CP: variants seen among roughly 807,000 people sequenced by gnomAD.
CP encodes caeruloplasmin.
A neutral mutation model predicts 122.4 loss-of-function variants in CP; 64 were observed. That is an observed-to-expected ratio of 0.52 (90% confidence interval 0.43 to 0.64). The LOEUF (loss-of-function observed/expected upper bound fraction) is 0.64. Ranked by LOEUF, CP falls within the 30% of genes least tolerant of loss-of-function variation. The pLI is 0.00. For synonymous variants in CP, 440 were observed against 436.4 expected, an observed-to-expected ratio of 1.01 and a Z score of -0.10; for missense variants, 1,167 against 1,284.4, an observed-to-expected ratio of 0.91 and a Z score of 1.40.
At chr3:149,170,083 A>G (rs763676094), downstream of CP, among the ~76,000 whole-genome samples, 3 of 152,218 alleles carry the variant, frequency 2.0e-5, no homozygotes, top group Non-Finnish European at 2.9e-5. Context: ...GGCTTGGATT[A>G]AATAAATAAA....
chr3:149,217,544 C>T (rs571101510), intron 1 of CP, among the ~76,000 whole-genome samples: 16 of 152,244 alleles, frequency 1.1e-4, no homozygotes, highest in Middle Eastern at 3.4e-3. Context: ...TCTGAGAATA[C>T]GTTATAAAAG....
chr3:149,215,290 T>C (rs1728392801), intron 1 of CP, among the ~76,000 whole-genome samples: 1 of 152,250 alleles, frequency 6.6e-6, no homozygotes, highest in African/African-American at 2.4e-5. Context: ...AATGCTCCTG[T>C]ATTAATCATT....
At chr3:149,167,144 C>G in intron 4 of CP, 1 of 1,613,862 alleles carries the variant, frequency 6.2e-7, no homozygotes, top group African/African-American at 1.3e-5. Flanking sequence ...GTCGTACACG[C>G]TTGAAAGAGT....
At chr3:149,217,243 A>T (rs1336965041) in intron 1 of CP, among the ~76,000 whole-genome samples, 2 of 152,132 alleles carry the variant, frequency 1.3e-5, no homozygotes, top group Non-Finnish European at 2.9e-5. Flanking sequence ...AGAATGAGTC[A>T]TTTAAAGTAA....
chr3:149,181,158 G>A (rs112498087), intron 14 of CP, among the ~76,000 whole-genome samples: 124 of 152,110 alleles, frequency 8.2e-4, no homozygotes, highest in African/African-American at 2.7e-3. Context: ...CTTAAATCTC[G>A]AGTCTGAGGT....
chr3:149,168,091 T>G, downstream of CP: 1 of 722,910 alleles, frequency 1.4e-6, no homozygotes, highest in Non-Finnish European at 2.5e-6. Context: ...CCGAGGGCCT[T>G]TCAGAACCAT....
chr3:149,209,325 C>T lies in CP; in HGVS notation c.667G>A (p.Val223Met). ...TACCAGCTGAAATTTTCATCCACCACAGAAAACATCACCACAAATTCTCGG... is the reference window on the plus strand; with the variant it reads ...TACCAGCTGAAATTTTCATCCACCATAGAAAACATCACCACAAATTCTCGG... ...IDREFVVMFS[V>M]VDENFSWYLE... The change falls in exon 4 of 19, where the codon GTG becomes ATG. Residue 223 changes from valine (V) to methionine (M), a missense_variant. Coordinates refer to ENST00000264613, the MANE Select transcript of CP (RefSeq NM_000096.4). The T allele has an allele frequency of 6.2e-7, 1 of 1,613,790 alleles. No homozygotes were observed. The highest frequency in any genetic ancestry group is 8.5e-7 in the Non-Finnish European group (1 of 1,179,776).
intron 1 of CP, among the ~76,000 whole-genome samples, chr3:149,219,276 C>T (rs1209471360): frequency 6.6e-6 from 1 of 152,116 alleles, no homozygotes; most frequent in Non-Finnish European, 1.5e-5. Context: ...AGAAGATGCT[C>T]CATTTTTCCT....
intron 8 of CP, among the ~76,000 whole-genome samples, chr3:149,199,193 T>C (rs1727124853): frequency 6.6e-6 from 1 of 152,180 alleles, no homozygotes; most frequent in South Asian, 2.1e-4. Flanking sequence ...ATAAAACCCT[T>C]GTAATGCTAA....
intron 7 of CP, among the ~76,000 whole-genome samples, chr3:149,201,891 G>T (rs563293775): frequency 6.6e-6 from 1 of 152,126 alleles, no homozygotes; most frequent in Non-Finnish European, 1.5e-5. Context: ...TACCACTCCC[G>T]GCCGTCAGCA....
At chr3:149,192,455 T>C (rs1726599252) in intron 9 of CP, among the ~76,000 whole-genome samples, 1 of 150,104 alleles carries the variant, frequency 6.7e-6, no homozygotes, top group Admixed American at 6.6e-5. Context: ...TACTTACCTA[T>C]AGAATAGAAA....
chr3:149,186,392 A>C (rs1726172837), intron 11 of CP, 128 bp downstream of exon 11: 2 of 869,830 alleles, frequency 2.3e-6, no homozygotes, highest in Admixed American at 4.0e-5. Context: ...TGCTCTTTCA[A>C]AGATAGGAAG....
intron 9 of CP, among the ~76,000 whole-genome samples, chr3:149,195,432 C>T (rs940943605): frequency 6.6e-6 from 1 of 152,174 alleles, no homozygotes; most frequent in African/African-American, 2.4e-5. Context: ...ACAACCCAAA[C>T]ACTTGTCAAA....
chr3:149,204,292 G>T (rs1241889084), intron 6 of CP, among the ~76,000 whole-genome samples: 2 of 152,176 alleles, frequency 1.3e-5, no homozygotes, highest in Non-Finnish European at 2.9e-5. Flanking sequence ...GAAAATACAA[G>T]ACTGCAGTAG....
chr3:149,181,985 ACCCCCG>A lies in CP; in HGVS notation c.2554+14_2554+19del, dbSNP rs1553758504. 1.7e-5 allele frequency: 7 copies of A among 402,512 alleles called. No homozygotes were observed. Among genetic ancestry groups the A allele is most frequent in the Non-Finnish European group, 2.8e-5 (6 of 217,288 alleles). 24.9% of individuals were successfully genotyped at this position (402,512 alleles called of 1,614,324 possible). The stretch of plus-strand genomic sequence containing the variant: ...CAGCCTGTTAAAATGCACCACCCCC[ACCCCCG>A]CCCCCGTGAGTACCTGGTAATGTTG... On this transcript the variant is annotated intron_variant, in intron 14 of 18. Transcript: ENST00000264613.
intron 14 of CP, 48 bp from the exon 15 acceptor site, chr3:149,179,710 GTACA>G: frequency 1.5e-6 from 1 of 651,712 alleles, no homozygotes. Context: ...GGTTTATATT[GTACA>G]CACACACACA....
At position 149,207,243 on chromosome 3, in the gene CP, G is replaced by A. The variant is rs990433454; in HGVS notation, c.1036+120C>T. Reference sequence around the variant, plus strand: ...ACATTATTATATATACCATCATAGGGATAAAACTAAGATGCCAGTTCAAAG... The same window carrying A: ...ACATTATTATATATACCATCATAGGAATAAAACTAAGATGCCAGTTCAAAG... On this transcript the variant is annotated intron_variant, in intron 5 of 18. Transcript: ENST00000264613. The A allele has an allele frequency of 2.7e-6, 3 of 1,129,076 alleles. No individual in the cohort carries two copies. The African/African-American group carries it at 4.6e-5, about 17-fold the overall frequency. 69.9% of individuals were successfully genotyped at this position (1,129,076 alleles called of 1,614,324 possible). A position where few individuals can be genotyped will look rare whatever the true frequency, so the allele number is the denominator to read the frequency against.
At chr3:149,171,470 A>G (rs1370423072), downstream of CP, among the ~76,000 whole-genome samples, 1 of 152,232 alleles carries the variant, frequency 6.6e-6, no homozygotes, top group Non-Finnish European at 1.5e-5. Flanking sequence ...CATTAAAAAG[A>G]ATATTCAAAT....
At chr3:149,204,350 A>G (rs1179414352) in intron 6 of CP, among the ~76,000 whole-genome samples, 1 of 152,236 alleles carries the variant, frequency 6.6e-6, no homozygotes. Context: ...AGAGGCAGAG[A>G]TGAGTTCATA....
Sources: gnomAD v4.1 joint callset for allele counts (sites outside exome capture counted in the v4.1 genomes callset) on GRCh38, gnomAD v4.1.1 for gene constraint, MANE v1.5 for transcripts, NCBI Gene and HGNC (gene_info 2026-07-23, HGNC 2026-07-21) for gene names.